The following PHRF1 variants were observed in gnomAD, a reference collection of about 807,000 sequenced individuals.
PHRF1 encodes PHD and RING finger domain-containing protein 1.
A neutral mutation model predicts 128.9 loss-of-function variants in PHRF1; 53 were observed. The ratio of observed to expected loss-of-function variants is 0.41; its 90% CI spans 0.33 to 0.52. PHRF1 has a LOEUF of 0.52. Among genes scored for constraint, PHRF1 ranks in the 20% least tolerant of loss-of-function variants. PHRF1 has a pLI of 0.21. For missense variants in PHRF1, 2,503 were observed against 2,284.5 expected (o/e 1.10, Z -1.95); for synonymous variants, 1,178 against 980.6 (o/e 1.20, Z -3.76).
intron 3 of PHRF1, among the ~76,000 whole-genome samples, chr11:584,285 C>A (rs1854392428): frequency 6.6e-6 from 1 of 152,216 alleles, no homozygotes; most frequent in Non-Finnish European, 1.5e-5. Context: ...TGTGGGCCGT[C>A]AGGGCCGCCA....
chr11:597,569 A>C lies in PHRF1; in HGVS notation c.893A>C (p.Gln298Pro). 2 of 1,539,286 alleles carry C rather than the reference A, an allele frequency of 1.3e-6. No individual in the cohort carries two copies. The highest frequency in any genetic ancestry group is 1.8e-6 in the Non-Finnish European group (2 of 1,132,612). The change falls in exon 8 of 18, where the codon CAG (glutamine) becomes CCG (proline). Residue 298 changes from glutamine (Q) to proline (P), a missense_variant and splice_region_variant. By Grantham distance (76) the Gln-to-Pro change is moderately conservative. Transcript: ENST00000264555. The surrounding 1 kb of genome is among the most constrained non-coding windows in gnomAD (Gnocchi z 6.5). ...RNRISTARRV[Q>P]HTPGRLGSSL... ...CGGATCTCCACGGCCAGGAGGGTCC[A>C]GGTGGGTGGCCCAGCCCTGACGCCA...
chr11:586,067 G>A (rs1394450366), intron 3 of PHRF1, among the ~76,000 whole-genome samples: 1 of 151,798 alleles, frequency 6.6e-6, no homozygotes, highest in African/African-American at 2.4e-5. Context: ...CACCATGTTG[G>A]CCAGGCTGGT....
intron 1 of PHRF1, among the ~76,000 whole-genome samples, chr11:577,160 C>G (rs558075431): frequency 6.6e-6 from 1 of 152,312 alleles, no homozygotes; most frequent in South Asian, 2.1e-4. Context: ...TTCCTTAACT[C>G]TTGCAGTCCT....
At chr11:604,909 C>G (rs1855853760) in intron 10 of PHRF1, among the ~76,000 whole-genome samples, 1 of 152,216 alleles carries the variant, frequency 6.6e-6, no homozygotes, top group Non-Finnish European at 1.5e-5. Context: ...CCGAGAGCCT[C>G]TGGTAGCCTG....
At chr11:593,179 T>C (rs937221373) in intron 6 of PHRF1, among the ~76,000 whole-genome samples, 7 of 152,250 alleles carry the variant, frequency 4.6e-5, no homozygotes, top group African/African-American at 1.7e-4. Context: ...GTGACACTTG[T>C]CTCCTCATCC....
chr11:589,113 C>T lies in PHRF1; in HGVS notation c.420+1649C>T, dbSNP rs142772730. 8.5e-3 allele frequency among the ~76,000 whole-genome samples: 1,278 copies of T among 150,470 alleles called. 18 individuals are homozygous for T. Among genetic ancestry groups the T allele is most frequent in the African/African-American group, 0.03 (1,210 of 40,896 alleles). On this transcript the variant is annotated intron_variant, in intron 4 of 17. Coordinates refer to ENST00000264555, the MANE Select transcript of PHRF1 (RefSeq NM_001286581.2). ...ATTGCACCACTGCACTCCAGCCCGG[C>T]GACAGAGCAAGACACTGTCTCAAAA...
Position 608,767 on chromosome 11 carries a change from ATG to A in PHRF1, c.3312_3313del (p.Tyr1104Ter). 6.2e-7 allele frequency: 1 copy of A among 1,611,464 alleles called. No individual in the cohort carries two copies. Among genetic ancestry groups the A allele is most frequent in the Non-Finnish European group, 8.5e-7 (1 of 1,179,564 alleles). ...CCTGGCAGCTCTTCCTATGAGCACT[ATG>A]AGAGTAGGAAGAAGAAGAAAAGGAG... On this transcript the variant is annotated stop_gained and frameshift_variant, in exon 14 of 18. Coordinates refer to ENST00000264555, the MANE Select transcript of PHRF1 (RefSeq NM_001286581.2). LOFTEE classifies it high-confidence loss of function.
At chr11:611,185 A>G (rs971083189) in intron 17 of PHRF1, 103 bp downstream of exon 17, 4 of 1,523,760 alleles carry the variant, frequency 2.6e-6, no homozygotes, top group Non-Finnish European at 2.6e-6. Context: ...TGCAGGCCCG[A>G]GGTCAGCCAG....
Position 609,640 on chromosome 11 carries a change from G to T in PHRF1, c.4184G>T (p.Arg1395Leu). The change falls in exon 14 of 18, where the codon CGG becomes CTG. Residue 1395 changes from arginine (R) to leucine (L), a missense_variant. Physicochemically the swap from Arg to Leu is moderately radical, Grantham distance 102. Coordinates refer to ENST00000264555, the MANE Select transcript of PHRF1 (RefSeq NM_001286581.2). ...EEVVSQTPLL[R>L]SRALVKRVTW... ...GTGGTTTCGCAGACCCCCCTGCTGC[G>T]GTCCAGAGCCCTGGTGAAGCGGGTC... 6.3e-7 allele frequency: 1 copy of T among 1,575,862 alleles called. No individual in the cohort carries two copies.
intron 1 of PHRF1, 98 bp from the exon 2 acceptor site, chr11:581,394 A>T: frequency 2.1e-6 from 2 of 960,530 alleles, no homozygotes. Flanking sequence ...GGTGGATGTG[A>T]CACGGGGATG....
intron 10 of PHRF1, among the ~76,000 whole-genome samples, chr11:603,701 A>G (rs1484617512): frequency 6.9e-6 from 1 of 145,260 alleles, no homozygotes; most frequent in Non-Finnish European, 1.5e-5. Context: ...CATATAATAC[A>G]TATTTATCTA....
intron 13 of PHRF1, chr11:606,797 A>C (rs972798888): frequency 3.3e-6 from 3 of 911,280 alleles, no homozygotes; most frequent in Middle Eastern, 6.9e-4. Flanking sequence ...CCACAGCTTC[A>C]TGTTCATAAG....
chr11:585,073 G>T (rs1854449580), intron 3 of PHRF1, among the ~76,000 whole-genome samples: 1 of 152,148 alleles, frequency 6.6e-6, no homozygotes, highest in South Asian at 2.1e-4. Flanking sequence ...GTAGCCAGTG[G>T]GTCCCTAACT....
intron 15 of PHRF1, 49 bp downstream of exon 15, chr11:610,396 C>T: frequency 6.5e-7 from 1 of 1,535,376 alleles, no homozygotes. Flanking sequence ...TGGCCTGGCA[C>T]CCGTGCCACA....
At chr11:586,099 G>T (rs1221874069) in intron 3 of PHRF1, among the ~76,000 whole-genome samples, 1 of 151,740 alleles carries the variant, frequency 6.6e-6, no homozygotes, top group Non-Finnish European at 1.5e-5. Context: ...GACCTCAGGT[G>T]ATCCACCTGC....
chr11:609,730 G>GT lies in PHRF1; in HGVS notation c.4264+10_4264+11insT. On this transcript the variant is annotated intron_variant, in intron 14 of 17. Transcript: ENST00000264555. ...GAGGACAGAGCCCCCCGTGAGTAGT[G>GT]CCCCGGCCCCCACCGAGGACAGAGC... is the stretch of plus-strand genomic sequence containing the variant. 6.9e-7 allele frequency: 1 copy of GT among 1,451,474 alleles called. No individual in the cohort carries two copies. The highest frequency in any genetic ancestry group is 9.1e-7 in the Non-Finnish European group (1 of 1,103,358). 89.9% of individuals were successfully genotyped at this position (1,451,474 alleles called of 1,614,324 possible).
intron 9 of PHRF1, among the ~76,000 whole-genome samples, chr11:600,491 A>AAAATAAATAAATAAAT (rs58696156): frequency 8.1e-5 from 6 of 73,932 alleles, no homozygotes; most frequent in African/African-American, 2.8e-4. Context: ...TCTGTCTCCA[A>AAAATAAATAAATAAAT]AAATATATAT....
intron 3 of PHRF1, among the ~76,000 whole-genome samples, chr11:583,724 C>T (rs570525179): frequency 7.7e-4 from 112 of 144,674 alleles, no homozygotes; most frequent in African/African-American, 2.6e-3. Flanking sequence ...TGGAGCGAGA[C>T]GTTATCTCAA....
chr11:598,981 T>C (rs1855468843), intron 9 of PHRF1, among the ~76,000 whole-genome samples: 1 of 152,192 alleles, frequency 6.6e-6, no homozygotes, highest in Non-Finnish European at 1.5e-5. Context: ...CTTTGATGAC[T>C]TGGTTCTCAG....
Sources: allele counts gnomAD v4.1 joint callset (sites outside exome capture counted in the v4.1 genomes callset), GRCh38; gene constraint gnomAD v4.1.1; non-coding constraint Gnocchi (gnomAD v3.1); transcripts MANE v1.5; gene names NCBI Gene and HGNC (gene_info 2026-07-23, HGNC 2026-07-21).